The following GAB2 variants were observed in gnomAD, a reference collection of about 807,000 sequenced individuals.
The protein encoded by GAB2 is GRB2-associated-binding protein 2.
In GAB2, 26 loss-of-function variants were observed where a neutral mutation model predicts 65.5. The observed-to-expected ratio is 0.40, with a 90% confidence interval of 0.29 to 0.55. The LOEUF (loss-of-function observed/expected upper bound fraction) is 0.55. GAB2 is among the 20% of genes least tolerant of loss of function. The pLI, the probability that GAB2 is intolerant of heterozygous loss-of-function variation, is 0.53. For missense variants in GAB2, 884 were observed against 875.8 expected (o/e 1.01, Z -0.12); for synonymous variants, 321 against 329.6 (o/e 0.97, Z 0.28).
In GAB2 at chr11:78,417,751, C is replaced by T. The variant is rs881338; in HGVS notation, c.-31G>A. On this transcript the variant is annotated 5_prime_UTR_variant, in exon 1 of 10. Coordinates refer to ENST00000361507, the MANE Select transcript of GAB2 (RefSeq NM_080491.3). ...CGGCCTGGAGCCCCCCGCCGGGTCG[C>T]GCGGACGAGGGCGCGGGCTCGGGCA... 221,549 of 1,185,352 alleles carry T rather than the reference C, an allele frequency of 0.19. 23,903 individuals carry two copies. The highest frequency in any genetic ancestry group is 0.45 in the East Asian group (9,200 of 20,346). 73.4% of individuals were successfully genotyped at this position (1,185,352 alleles called of 1,614,324 possible). A position where few individuals can be genotyped will look rare whatever the true frequency, so the allele number is the denominator to read the frequency against.
chr11:78,244,114 C>T (rs1430732536), intron 3 of GAB2, among the ~76,000 whole-genome samples: 2 of 151,796 alleles, frequency 1.3e-5, no homozygotes, highest in Non-Finnish European at 2.9e-5. Context: ...TGCTGGCTCA[C>T]ATCTGTAATC....
intron 1 of GAB2, among the ~76,000 whole-genome samples, chr11:78,327,155 TA>T (rs1428786823): frequency 6.6e-6 from 1 of 152,238 alleles, no homozygotes; most frequent in Non-Finnish European, 1.5e-5. Flanking sequence ...GGGAACTCAA[TA>T]AATCGGTATC....
intron 1 of GAB2, among the ~76,000 whole-genome samples, chr11:78,378,827 T>TTC (rs973743280): frequency 6.6e-6 from 1 of 152,138 alleles, no homozygotes; most frequent in African/African-American, 2.4e-5. Context: ...TATGGCAGAA[T>TTC]AGAGGCCTTA....
At chr11:78,333,296 C>T (rs141092405) in intron 1 of GAB2, among the ~76,000 whole-genome samples, 156 of 152,222 alleles carry the variant, frequency 1.0e-3, no homozygotes, top group African/African-American at 3.6e-3. Flanking sequence ...GAAAAAGTCT[C>T]GCTCTGTCAC....
chr11:78,373,378 AC>A (rs1446192529), intron 1 of GAB2, among the ~76,000 whole-genome samples: 2 of 151,636 alleles, frequency 1.3e-5, no homozygotes, highest in African/African-American at 2.4e-5. Context: ...AGCTGGGATT[AC>A]AGGCATGCAT....
chr11:78,333,919 C>G (rs1174186958), intron 1 of GAB2, among the ~76,000 whole-genome samples: 1 of 152,110 alleles, frequency 6.6e-6, no homozygotes, highest in Non-Finnish European at 1.5e-5. Context: ...TCTTGTCTTA[C>G]TCTATATATT....
chr11:78,407,278 C>A (rs1414212131), intron 1 of GAB2, among the ~76,000 whole-genome samples: 1 of 151,910 alleles, frequency 6.6e-6, no homozygotes, highest in African/African-American at 2.4e-5. Context: ...AATTCCACAC[C>A]AAGACACATA....
intron 1 of GAB2, among the ~76,000 whole-genome samples, chr11:78,367,361 C>T (rs552221779): frequency 2.0e-5 from 3 of 152,276 alleles, no homozygotes; most frequent in Non-Finnish European, 2.9e-5. Context: ...CTGGTGTGTG[C>T]ATGTATGTGT....
intron 1 of GAB2, among the ~76,000 whole-genome samples, chr11:78,324,353 C>A (rs1855785504): frequency 1.3e-5 from 2 of 152,100 alleles, no homozygotes; most frequent in South Asian, 4.1e-4. Flanking sequence ...GTGTATAATT[C>A]AGGAGACTTA....
intron 1 of GAB2, among the ~76,000 whole-genome samples, chr11:78,334,078 G>A (rs57994223): frequency 0.05 from 7,616 of 152,144 alleles, 600 homozygotes; most frequent in African/African-American, 0.17. Context: ...CAGAAGGGAG[G>A]ACTAATAATA....
chr11:78,300,516 T>TAAAAAAAAAAAAAAAAAAA (rs138790128), intron 1 of GAB2, among the ~76,000 whole-genome samples: 4 of 142,860 alleles, frequency 2.8e-5, no homozygotes, highest in African/African-American at 7.8e-5. Context: ...TTTAATTTTA[T>TAAAAAAAAAAAAAAAAAAA]AAAAAAACAA....
chr11:78,330,772 T>G (rs1391137101), intron 1 of GAB2, among the ~76,000 whole-genome samples: 3 of 152,154 alleles, frequency 2.0e-5, no homozygotes, highest in Admixed American at 6.5e-5. Flanking sequence ...ATTTTCTTAA[T>G]GGAAATATTT....
In GAB2 at chr11:78,326,251, C is replaced by T. The variant is rs186793751; in HGVS notation, c.76-45350G>A. ...TTGTGTGATAGAAAAAGTGTCATAC[C>T]CTTATTTTTACATAAGTGTCTCATT... is the stretch of plus-strand genomic sequence containing the variant. On this transcript the variant is annotated intron_variant, in intron 1 of 9. Coordinates refer to ENST00000361507, the MANE Select transcript of GAB2 (RefSeq NM_080491.3). Among the ~76,000 whole-genome samples, 328 of 152,124 alleles carry T rather than the reference C, an allele frequency of 2.2e-3. 1 individual carries two copies. The highest frequency in any genetic ancestry group is 6.9e-3 in the African/African-American group (287 of 41,484).
At chr11:78,404,701 A>C (rs1857018470) in intron 1 of GAB2, among the ~76,000 whole-genome samples, 1 of 152,274 alleles carries the variant, frequency 6.6e-6, no homozygotes, top group Non-Finnish European at 1.5e-5. Flanking sequence ...GTGGAAGCTA[A>C]AAAAACTGAA....
chr11:78,330,374 A>C (rs1025920338), intron 1 of GAB2, among the ~76,000 whole-genome samples: 2 of 152,240 alleles, frequency 1.3e-5, no homozygotes, highest in African/African-American at 4.8e-5. Context: ...TGGGGACAGG[A>C]AAGAAGGGAA....
chr11:78,366,722 C>G (rs1311347577), intron 1 of GAB2, among the ~76,000 whole-genome samples: 1 of 146,616 alleles, frequency 6.8e-6, no homozygotes, highest in Admixed American at 6.8e-5. Flanking sequence ...ACTATATTTT[C>G]TCCAAGCCCT....
chr11:78,341,749 C>T (rs1856099055), intron 1 of GAB2: 1 of 985,954 alleles, frequency 1.0e-6, no homozygotes, highest in Non-Finnish European at 1.2e-6. Context: ...TCTTTGTTTC[C>T]CAAAACTCAC....
chr11:78,360,737 T>A (rs1856423677), intron 1 of GAB2, among the ~76,000 whole-genome samples: 1 of 152,028 alleles, frequency 6.6e-6, no homozygotes, highest in African/African-American at 2.4e-5. Flanking sequence ...ATGTCCCTGT[T>A]AATCCCAGCT....
intron 1 of GAB2, among the ~76,000 whole-genome samples, chr11:78,335,340 C>G (rs533727640): frequency 1.3e-5 from 2 of 152,252 alleles, no homozygotes; most frequent in South Asian, 2.1e-4. Flanking sequence ...GAGATTTTCC[C>G]CAATCAGTTC....
Sources: allele counts gnomAD v4.1 joint callset (sites outside exome capture counted in the v4.1 genomes callset), GRCh38; gene constraint gnomAD v4.1.1; transcripts MANE v1.5; gene names NCBI Gene and HGNC (gene_info 2026-07-23, HGNC 2026-07-21).